The following TTC3 variants were observed in gnomAD, a reference collection of about 807,000 sequenced individuals.
TTC3 encodes E3 ubiquitin-protein ligase TTC3.
Under a neutral mutation model 249.6 loss-of-function variants are expected in TTC3, and 180 were observed. The ratio of observed to expected loss-of-function variants is 0.72; its 90% CI spans 0.64 to 0.82. The LOEUF (loss-of-function observed/expected upper bound fraction) is 0.82. Ranked by LOEUF, TTC3 falls within the 40% of genes least tolerant of loss-of-function variation. TTC3 has a pLI of 0.00. For missense variants in TTC3, 2,061 were observed against 2,398.4 expected, an observed-to-expected ratio of 0.86 and a Z score of 2.94; for synonymous variants, 717 against 805.0, an observed-to-expected ratio of 0.89 and a Z score of 1.85.
At position 37,172,697 on chromosome 21, in the gene TTC3, AC is replaced by A. The variant is rs1227210859; in HGVS notation, c.4572del (p.Arg1525GlyfsTer7). ...GATAAAACTTAAGGGCTTAGAAGAG[AC>A]CAGGGACCTGGAAGAGAAGTTGAAA... On this transcript the variant is annotated frameshift_variant, in exon 35 of 46. Coordinates refer to ENST00000355666, the Ensembl canonical transcript of TTC3. LOFTEE classifies it high-confidence loss of function. 2.5e-6 allele frequency: 4 copies of A among 1,613,972 alleles called. No individual in the cohort carries two copies. Among genetic ancestry groups the A allele is most frequent in the Non-Finnish European group, 3.4e-6 (4 of 1,179,970 alleles).
intron 1 of TTC3, chr21:37,082,760 A>G (rs995142834): frequency 5.1e-6 from 5 of 984,882 alleles, no homozygotes; most frequent in Admixed American, 1.2e-4. Flanking sequence ...CCAACAGTAC[A>G]TTCCCCCAGA....
chr21:37,123,042 A>G lies in TTC3; in HGVS notation c.1109+14A>G. ...TTATGAAAACAGGTAAGTTAATAGC[A>G]GGTCAGTAGCTGCTACTACTAGGAA... On this transcript the variant is annotated intron_variant, in intron 13 of 45. Coordinates refer to ENST00000355666, the Ensembl canonical transcript of TTC3. 1.9e-6 allele frequency: 3 copies of G among 1,613,574 alleles called. No individual in the cohort carries two copies. Among genetic ancestry groups the G allele is most frequent in the South Asian group, 1.1e-5 (1 of 91,074 alleles).
At chr21:37,124,984 T>A (rs944293669) in intron 14 of TTC3, among the ~76,000 whole-genome samples, 4 of 152,258 alleles carry the variant, frequency 2.6e-5, no homozygotes, top group African/African-American at 7.2e-5. Context: ...AACATATTTT[T>A]AAAAATAACC....
At chr21:37,088,589 G>A (rs2072831043) in intron 4 of TTC3, among the ~76,000 whole-genome samples, 2 of 151,820 alleles carry the variant, frequency 1.3e-5, no homozygotes, top group African/African-American at 4.9e-5. Flanking sequence ...GAATTAACAT[G>A]GGTGTTTATA....
At chr21:37,147,634 C>T (rs761891165) in intron 22 of TTC3, 31 bp downstream of exon 22, 2 of 1,560,264 alleles carry the variant, frequency 1.3e-6, no homozygotes, top group Non-Finnish European at 8.6e-7. Context: ...GGGACATTAA[C>T]TTGCAAAATC....
At chr21:37,199,316 G>A (rs767325265) in intron 44 of TTC3, among the ~76,000 whole-genome samples, 1 of 152,244 alleles carries the variant, frequency 6.6e-6, no homozygotes, top group Non-Finnish European at 1.5e-5. Context: ...AGACCCAGAT[G>A]GGACTCATTT....
chr21:37,188,453 G>A (rs1326958923), intron 38 of TTC3, 42 bp from the exon 39 acceptor site: 3 of 1,492,606 alleles, frequency 2.0e-6, no homozygotes, highest in South Asian at 2.3e-5. Context: ...GTTTCAGGCT[G>A]TCATTTGTAA....
intron 20 of TTC3, among the ~76,000 whole-genome samples, chr21:37,141,418 C>CCCCCCAGCCA (rs1555888021): frequency 1.6e-4 from 25 of 151,708 alleles, no homozygotes; most frequent in African/African-American, 5.8e-4. Flanking sequence ...GGAATCCCCC[C>CCCCCCAGCCA]CCCAGCCATC....
chr21:37,104,483 G>A (rs1038648222), intron 10 of TTC3, among the ~76,000 whole-genome samples: 8 of 151,862 alleles, frequency 5.3e-5, no homozygotes, highest in African/African-American at 1.7e-4. Flanking sequence ...TCAGTTACTC[G>A]GGAGGCTGAG....
At position 37,201,009 on chromosome 21, in the gene TTC3, G is replaced by A. The variant is rs540800908; in HGVS notation, c.5944-431G>A. Among the ~76,000 whole-genome samples the A allele has an allele frequency of 1.5e-3, 222 of 152,326 alleles. 2 individuals are homozygous for A. The highest frequency in any genetic ancestry group is 4.9e-3 in the African/African-American group (203 of 41,560). On this transcript the variant is annotated intron_variant, in intron 45 of 45. Transcript: ENST00000355666. ...GACTGTCCACAGCCTCTGCAGTGTG[G>A]GCAGCAGCAGCAGGAGTGTGGCGTG... is the stretch of plus-strand genomic sequence containing the variant.
exon 15 of TTC3, chr21:37,126,123 C>G: frequency 4.3e-6 from 7 of 1,611,488 alleles, no homozygotes; most frequent in South Asian, 1.1e-5. Context: ...GACTGTCATC[C>G]TGAATTTTCA....
At chr21:37,111,836 T>C (rs2075690826) in intron 11 of TTC3, among the ~76,000 whole-genome samples, 1 of 151,694 alleles carries the variant, frequency 6.6e-6, no homozygotes, top group Non-Finnish European at 1.5e-5. Context: ...GAACAGAAAT[T>C]ATAACAAACT....
chr21:37,084,294 A>G (rs994808585), intron 1 of TTC3: 7 of 152,238 alleles, frequency 4.6e-5, no homozygotes, highest in Admixed American at 6.5e-5. Flanking sequence ...TGGAGTCCAA[A>G]TGAAGAGTTC....
At chr21:37,192,487 A>G (rs541744859) in intron 41 of TTC3, among the ~76,000 whole-genome samples, 4 of 60,746 alleles carry the variant, frequency 6.6e-5, no homozygotes, top group East Asian at 1.1e-3. Flanking sequence ...CCTGTCTTCT[A>G]TCTTTGTGTG....
At chr21:37,081,655 A>G (rs994420285) in intron 1 of TTC3, 6 of 151,564 alleles carry the variant, frequency 4.0e-5, no homozygotes, top group African/African-American at 9.7e-5. Flanking sequence ...CTTTAACTGG[A>G]TATATATATA....
chr21:37,188,488 C>G lies in TTC3; in HGVS notation c.4924-7C>G, dbSNP rs754239926. 2 of 1,609,892 alleles carry G rather than the reference C, an allele frequency of 1.2e-6. No homozygotes were observed. Among genetic ancestry groups the G allele is most frequent in the Admixed American group, 1.7e-5 (1 of 59,826 alleles). On this transcript the variant is annotated splice_polypyrimidine_tract_variant and splice_region_variant and intron_variant, in intron 38 of 45. Transcript: ENST00000355666. ...AAATACTCATATGTCTTCTGATCTACTGGCAGGTATCCGTACTTGAAAACT... is the reference window on the plus strand; with the variant it reads ...AAATACTCATATGTCTTCTGATCTAGTGGCAGGTATCCGTACTTGAAAACT...
intron 10 of TTC3, chr21:37,097,883 C>T (rs746555870): frequency 4.0e-4 from 278 of 696,060 alleles, no homozygotes; most frequent in Middle Eastern, 1.9e-3. Context: ...TTAAAAATAA[C>T]ATTTATTGTG....
At chr21:37,108,428 G>C in exon 11 of TTC3, 1 of 1,612,400 alleles carries the variant, frequency 6.2e-7, no homozygotes, top group Non-Finnish European at 8.5e-7. Flanking sequence ...CCACTATTCT[G>C]AAGAACACTT....
chr21:37,182,640 C>T, intron 35 of TTC3, 134 bp from the exon 36 acceptor site: 1 of 916,862 alleles, frequency 1.1e-6, no homozygotes, highest in Non-Finnish European at 1.5e-6. Context: ...CCACAGGGCG[C>T]CAGCTTGGGA....
Sources: allele counts gnomAD v4.1 joint callset (sites outside exome capture counted in the v4.1 genomes callset), GRCh38; gene constraint gnomAD v4.1.1; transcripts MANE v1.5; gene names NCBI Gene and HGNC (gene_info 2026-07-23, HGNC 2026-07-21).